PON3: variants seen among roughly 807,000 people sequenced by gnomAD.
The protein encoded by PON3 is serum paraoxonase/lactonase 3.
In PON3, 37 loss-of-function variants were observed where a neutral mutation model predicts 36.3. The observed-to-expected ratio is 1.02, with a 90% CI of 0.78 to 1.34. The LOEUF is 1.34. Ranked by LOEUF, PON3 falls within the 40% of genes most tolerant of loss-of-function variation. PON3 has a pLI of 0.00. For missense variants in PON3, 415 were observed against 426.5 expected (o/e 0.97, Z 0.24); for synonymous variants, 155 against 154.8 (o/e 1.00, Z -0.01).
chr7:95,364,129 A>C, intron 5 of PON3, 66 bp from the exon 6 acceptor site: 1 of 1,279,176 alleles, frequency 7.8e-7, no homozygotes, highest in Non-Finnish European at 1.1e-6. Flanking sequence ...TCCTTGTCAA[A>C]ATCACTCATC....
rs1808821070 is a variant in PON3, at chr7:95,372,144, C to T, written c.367+29G>A. The T allele has an allele frequency of 4.4e-6, 7 of 1,602,222 alleles. 1 individual carries two copies. Among genetic ancestry groups the T allele is most frequent in the African/African-American group, 1.3e-5 (1 of 74,546 alleles). On this transcript the variant is annotated intron_variant, in intron 4 of 8. Coordinates refer to ENST00000265627, the MANE Select transcript of PON3 (RefSeq NM_000940.3). ...AAATGGTTTCTATTTCCCTCATTTC[C>T]CCCTTATCCCTAAACATACAGGTTT...
At chr7:95,393,887 A>G (rs964596768) in intron 2 of PON3, among the ~76,000 whole-genome samples, 11 of 152,024 alleles carry the variant, frequency 7.2e-5, no homozygotes, top group Non-Finnish European at 2.9e-5. Flanking sequence ...GTAGGCTGTG[A>G]GGTTCCTTCG....
intron 3 of PON3, among the ~76,000 whole-genome samples, chr7:95,373,181 C>T (rs1808846576): frequency 6.6e-6 from 1 of 152,150 alleles, no homozygotes; most frequent in Non-Finnish European, 1.5e-5. Flanking sequence ...ATCTTCTCTG[C>T]TACCTTTATC....
intron 3 of PON3, 30 bp downstream of exon 3, chr7:95,390,124 G>A (rs1809286701): frequency 7.0e-6 from 11 of 1,571,582 alleles, no homozygotes; most frequent in South Asian, 1.1e-5. Flanking sequence ...CTATTGATGT[G>A]AGCATGAGAG....
In PON3 at chr7:95,390,645, C is replaced by T. The variant is rs528864655; in HGVS notation, c.146-436G>A. ...CTGCCAAGCATTCCTTCTCTTCCAA[C>T]GTAAAGCCTAAAACGCTACATTATA... On this transcript the variant is annotated intron_variant, in intron 2 of 8. Coordinates refer to ENST00000265627, the MANE Select transcript of PON3 (RefSeq NM_000940.3). Among the ~76,000 whole-genome samples, 3 of 152,204 alleles carry T rather than the reference C, an allele frequency of 2.0e-5. 1 individual carries two copies. The highest frequency in any genetic ancestry group is 7.2e-5 in the African/African-American group (3 of 41,528).
chr7:95,373,619 T>C (rs1808855366), intron 3 of PON3, among the ~76,000 whole-genome samples: 1 of 152,180 alleles, frequency 6.6e-6, no homozygotes, highest in South Asian at 2.1e-4. Flanking sequence ...TATCACATTC[T>C]GTGCGAACTC....
At chr7:95,378,072 T>C (rs766545870) in intron 3 of PON3, among the ~76,000 whole-genome samples, 3 of 152,074 alleles carry the variant, frequency 2.0e-5, no homozygotes, top group Admixed American at 1.3e-4. Flanking sequence ...AATGACCAGA[T>C]GGAGCTGAAA....
intron 4 of PON3, 92 bp downstream of exon 4, chr7:95,372,081 C>T (rs1562771725): frequency 2.1e-6 from 3 of 1,407,604 alleles, no homozygotes; most frequent in South Asian, 1.2e-5. Context: ...ATAGCATCTT[C>T]TCTCTTCCTG....
chr7:95,379,553 T>C (rs943011893), intron 3 of PON3, among the ~76,000 whole-genome samples: 2 of 152,202 alleles, frequency 1.3e-5, no homozygotes, highest in African/African-American at 4.8e-5. Flanking sequence ...ACCAGGAGAT[T>C]ATATTCCGTG....
chr7:95,381,165 C>T (rs1329394449), intron 3 of PON3, among the ~76,000 whole-genome samples: 1 of 152,168 alleles, frequency 6.6e-6, no homozygotes, highest in African/African-American at 2.4e-5. Context: ...GAAATTTGGT[C>T]ACCACCAGGC....
At chr7:95,361,260 A>C (rs1808563834) in intron 8 of PON3, among the ~76,000 whole-genome samples, 1 of 152,154 alleles carries the variant, frequency 6.6e-6, no homozygotes, top group Admixed American at 6.5e-5. Flanking sequence ...CTAATACATT[A>C]ATAAAAAAAG....
chr7:95,370,031 CTGGTCCAGAGAGT>C (rs1279079942), intron 4 of PON3, among the ~76,000 whole-genome samples: 2 of 152,186 alleles, frequency 1.3e-5, no homozygotes, highest in Non-Finnish European at 2.9e-5. Flanking sequence ...TCCAGTATGG[CTGGTCCAGAGAGT>C]CTGGAGGAGA....
chr7:95,390,039 A>G lies in PON3; in HGVS notation c.201+115T>C. 5 of 1,120,284 alleles carry G rather than the reference A, an allele frequency of 4.5e-6. No individual in the cohort carries two copies. The South Asian group carries it at 5.0e-5, about 11-fold the overall frequency. The allele number at this position is 1,120,284 out of a possible 1,614,324, so 69.4% of individuals were successfully genotyped here. On this transcript the variant is annotated intron_variant, in intron 3 of 8. Transcript: ENST00000265627. ...TTTGGCTTTTTTAGTTGACTGGTTT[A>G]CCCGGAGGTGGGATGAGAGCATAGG...
intron 2 of PON3, among the ~76,000 whole-genome samples, chr7:95,392,795 T>C (rs149812173): frequency 1.2e-4 from 18 of 152,368 alleles, no homozygotes; most frequent in Middle Eastern, 3.4e-3. Flanking sequence ...GCTACTTCCA[T>C]GTAATGCATT....
Position 95,359,988 on chromosome 7 carries a change from C to G in PON3, c.1050G>C (p.Leu350=). The G allele has an allele frequency of 6.2e-7, 1 of 1,602,510 alleles. No homozygotes were observed. The highest frequency in any genetic ancestry group is 2.3e-5 in the East Asian group (1 of 44,410). ...TATCTAGAGTCTAGAGCTCACAGTA[C>G]AGAGTTTTGTGAAATACGGTGCCTA... ...ILIGTVFHKT[L]YCEL Residue 350 remains leucine, a synonymous_variant, in exon 9 of 9, where the codon CTG becomes CTC. Transcript: ENST00000265627.
chr7:95,387,792 C>A (rs1048431350), intron 3 of PON3, among the ~76,000 whole-genome samples: 1 of 152,110 alleles, frequency 6.6e-6, no homozygotes. Flanking sequence ...GATATATAGA[C>A]CTATGGAACA....
intron 8 of PON3, among the ~76,000 whole-genome samples, chr7:95,361,921 C>T (rs116270633): frequency 1.1e-3 from 164 of 152,176 alleles, no homozygotes; most frequent in African/African-American, 3.7e-3. Flanking sequence ...TCAACACCAT[C>T]GTATATGTTA....
In PON3 at chr7:95,374,874, G is replaced by A. The variant is rs192597943; in HGVS notation, c.202-2536C>T. Among the ~76,000 whole-genome samples the A allele has an allele frequency of 1.8e-3, 271 of 151,686 alleles. 2 individuals are homozygous for A. The highest frequency in any genetic ancestry group is 6.8e-3 in the Middle Eastern group (2 of 294). ...ATTTATACCTCCTTCTGTTTTTATC[G>A]ATCCCTCCTCCCTTCTCACTCTATA... On this transcript the variant is annotated intron_variant, in intron 3 of 8. Transcript: ENST00000265627.
intron 3 of PON3, among the ~76,000 whole-genome samples, chr7:95,382,577 C>T (rs1585729433): frequency 6.6e-6 from 1 of 152,222 alleles, no homozygotes; most frequent in East Asian, 1.9e-4. Context: ...ATAAACACAT[C>T]TATGCAAATA....
Sources: allele counts gnomAD v4.1 joint callset (sites outside exome capture counted in the v4.1 genomes callset), GRCh38; gene constraint gnomAD v4.1.1; transcripts MANE v1.5; gene names NCBI Gene and HGNC (gene_info 2026-07-23, HGNC 2026-07-21).